Variants in UBE3D observed in about 807,000 individuals in gnomAD.
The protein encoded by UBE3D is E3 ubiquitin-protein ligase E3D.
A neutral mutation model predicts 49.6 loss-of-function variants in UBE3D; 48 were observed. That is an observed-to-expected ratio of 0.97 (90% CI 0.77 to 1.23). The LOEUF is 1.23. UBE3D is among the 50% of genes most tolerant of loss of function. The pLI, the probability that UBE3D is intolerant of heterozygous loss-of-function variation, is 0.00. For missense variants in UBE3D, 452 were observed against 468.4 expected, an observed-to-expected ratio of 0.96 and a Z score of 0.32; for synonymous variants, 189 against 174.2, an observed-to-expected ratio of 1.08 and a Z score of -0.67.
intron 8 of UBE3D, among the ~76,000 whole-genome samples, chr6:82,988,299 T>C (rs1778659561): frequency 1.3e-5 from 2 of 152,172 alleles, no homozygotes; most frequent in Admixed American, 6.6e-5. Flanking sequence ...TTATTAAAAA[T>C]GGGAGTAAGA....
intron 9 of UBE3D, among the ~76,000 whole-genome samples, chr6:82,937,978 C>T (rs1037143476): frequency 2.6e-5 from 4 of 152,146 alleles, no homozygotes; most frequent in African/African-American, 7.2e-5. Context: ...GGAGAGCACA[C>T]GGGCGTGTGC....
chr6:83,059,049 C>T (rs1000874111), intron 1 of UBE3D, among the ~76,000 whole-genome samples: 2 of 152,048 alleles, frequency 1.3e-5, no homozygotes, highest in African/African-American at 4.8e-5. Context: ...AAGTAGAATA[C>T]ATATTATACT....
At chr6:82,928,189 T>G (rs2127741824) in intron 9 of UBE3D, among the ~76,000 whole-genome samples, 1 of 152,094 alleles carries the variant, frequency 6.6e-6, no homozygotes, top group Non-Finnish European at 1.5e-5. Flanking sequence ...AATTTTTCTG[T>G]GAACCTAAAA....
chr6:82,940,299 G>A (rs1774915966), intron 9 of UBE3D, among the ~76,000 whole-genome samples: 1 of 152,184 alleles, frequency 6.6e-6, no homozygotes, highest in South Asian at 2.1e-4. Flanking sequence ...GGGCAAAAAG[G>A]AATGAAGATG....
intron 1 of UBE3D, 139 bp from the exon 2 acceptor site, chr6:83,058,161 A>G: frequency 1.2e-6 from 1 of 809,718 alleles, no homozygotes; most frequent in Non-Finnish European, 1.9e-6. Flanking sequence ...AAACAGCAGC[A>G]AGCAGATCAT....
intron 5 of UBE3D, among the ~76,000 whole-genome samples, chr6:83,028,956 A>C (rs1781673566): frequency 6.6e-6 from 1 of 151,998 alleles, no homozygotes; most frequent in Non-Finnish European, 1.5e-5. Flanking sequence ...TTTGGTTGTC[A>C]TTATTTCTAT....
rs114539235 is a variant in UBE3D at position 83,013,036 on chromosome 6, G to C, written c.1010+5937C>G. Among the ~76,000 whole-genome samples, 797 of 152,268 alleles carry C rather than the reference G, an allele frequency of 5.2e-3. 6 individuals are homozygous for C. The highest frequency in any genetic ancestry group is 0.018 in the African/African-American group (753 of 41,552). On this transcript the variant is annotated intron_variant, in intron 8 of 9. Coordinates refer to ENST00000369747, the MANE Select transcript of UBE3D (RefSeq NM_198920.3). The stretch of plus-strand genomic sequence containing the variant: ...TGGGGAAGAGAAGGCAGGGTGGTAG[G>C]AATGGAGACCATGGGCATTTGAGCC...
intron 8 of UBE3D, 128 bp downstream of exon 8, chr6:83,018,845 G>T (rs1334240758): frequency 1.1e-6 from 1 of 947,336 alleles, no homozygotes; most frequent in Non-Finnish European, 1.6e-6. Context: ...ATATTTAGCA[G>T]TATTGGCTCC....
chr6:82,975,482 T>C (rs886602080), intron 8 of UBE3D, among the ~76,000 whole-genome samples: 4 of 152,136 alleles, frequency 2.6e-5, no homozygotes, highest in Admixed American at 2.6e-4. Flanking sequence ...AGGCTATGAG[T>C]ATAAAAATTC....
intron 9 of UBE3D, among the ~76,000 whole-genome samples, chr6:82,926,001 T>C (rs1932223): frequency 0.11 from 15,371 of 143,816 alleles, 885 homozygotes; most frequent in Non-Finnish European, 0.14. Context: ...GTCTAAAATC[T>C]TATTAAAAAA....
At chr6:82,999,517 T>G (rs1016386836) in intron 8 of UBE3D, among the ~76,000 whole-genome samples, 6 of 152,168 alleles carry the variant, frequency 3.9e-5, no homozygotes, top group Non-Finnish European at 8.8e-5. Context: ...CCCAAGTAGC[T>G]GGGACTATAG....
intron 9 of UBE3D, among the ~76,000 whole-genome samples, chr6:82,952,752 C>A (rs1476198060): frequency 6.6e-6 from 1 of 152,142 alleles, no homozygotes; most frequent in Non-Finnish European, 1.5e-5. Flanking sequence ...AATCCCCTCT[C>A]TACCCAAAGA....
chr6:83,062,877 T>C (rs184808478), intron 1 of UBE3D, among the ~76,000 whole-genome samples: 4 of 152,174 alleles, frequency 2.6e-5, no homozygotes, highest in East Asian at 1.9e-4. Context: ...AATATCCTTA[T>C]ACCAAAAAAA....
At chr6:82,996,890 G>GA (rs1779279484) in intron 8 of UBE3D, among the ~76,000 whole-genome samples, 2 of 152,264 alleles carry the variant, frequency 1.3e-5, no homozygotes, top group South Asian at 4.1e-4. Flanking sequence ...TCCTGGAATA[G>GA]AAAAAAGGAC....
At chr6:83,014,313 A>G (rs556577656) in intron 8 of UBE3D, among the ~76,000 whole-genome samples, 117 of 152,302 alleles carry the variant, frequency 7.7e-4, no homozygotes, top group African/African-American at 2.7e-3. Context: ...GGGATGCAAT[A>G]TTAGTTTTGA....
chr6:82,977,506 C>G (rs1777813155), intron 8 of UBE3D, among the ~76,000 whole-genome samples: 1 of 152,022 alleles, frequency 6.6e-6, no homozygotes, highest in Non-Finnish European at 1.5e-5. Context: ...TACAAAAGAT[C>G]TTGATCCTGA....
At chr6:83,065,065 GAA>G (rs1784408733) in intron 1 of UBE3D, among the ~76,000 whole-genome samples, 1 of 152,188 alleles carries the variant, frequency 6.6e-6, no homozygotes, top group South Asian at 2.1e-4. Flanking sequence ...GTTCTCACTG[GAA>G]GGAAGAATAT....
chr6:82,943,937 C>A (rs1265560596), intron 9 of UBE3D, among the ~76,000 whole-genome samples: 3 of 152,148 alleles, frequency 2.0e-5, no homozygotes, highest in African/African-American at 7.2e-5. Context: ...CAGATCAACC[C>A]TAGCCAGAAG....
At chr6:82,979,473 T>C (rs141836262) in intron 8 of UBE3D, among the ~76,000 whole-genome samples, 167 of 152,264 alleles carry the variant, frequency 1.1e-3, no homozygotes, top group African/African-American at 3.9e-3. Context: ...GCCAGGAAGT[T>C]CTTTGAACTG....
Sources: gnomAD v4.1 joint callset for allele counts (sites outside exome capture counted in the v4.1 genomes callset) on GRCh38, gnomAD v4.1.1 for gene constraint, MANE v1.5 for transcripts, NCBI Gene and HGNC (gene_info 2026-07-23, HGNC 2026-07-21) for gene names.